Variants in NEDD4L observed in about 807,000 individuals in gnomAD.
The protein encoded by NEDD4L is E3 ubiquitin-protein ligase NEDD4-like.
NEDD4L carries 54 observed loss-of-function variants against 148.9 expected under a neutral mutation model. The ratio of observed to expected loss-of-function variants is 0.36; its 90% CI spans 0.29 to 0.45. The LOEUF (loss-of-function observed/expected upper bound fraction) is 0.45, where lower values mean the gene tolerates loss of function less well. Ranked by LOEUF, NEDD4L falls within the 20% of genes least tolerant of loss-of-function variation. The probability of loss-of-function intolerance (pLI) is 1.00; values close to 1 mark genes in which losing one functional copy is unlikely to be tolerated. For synonymous variants in NEDD4L, 433 were observed against 440.7 expected, an observed-to-expected ratio of 0.98 and a Z score of 0.22; for missense variants, 856 against 1,233.8, an observed-to-expected ratio of 0.69 and a Z score of 4.59.
intron 6 of NEDD4L, among the ~76,000 whole-genome samples, chr18:58,317,505 T>C (rs9945608): frequency 0.051 from 7,718 of 152,278 alleles, 609 homozygotes; most frequent in African/African-American, 0.17. Flanking sequence ...AATTATTTTC[T>C]GAGAGGCAAA....
chr18:58,349,176 C>T (rs2043542034), intron 16 of NEDD4L, among the ~76,000 whole-genome samples: 1 of 152,128 alleles, frequency 6.6e-6, no homozygotes, highest in South Asian at 2.1e-4. Flanking sequence ...ATTTCGAAAC[C>T]GTTGTCCCCA....
intron 2 of NEDD4L, among the ~76,000 whole-genome samples, chr18:58,168,529 T>C (rs573935618): frequency 6.6e-6 from 1 of 152,306 alleles, no homozygotes; most frequent in Non-Finnish European, 1.5e-5. Context: ...AGCTCTGTCG[T>C]GTTTTAAGGT....
chr18:58,236,597 C>T (rs779617958), intron 2 of NEDD4L, among the ~76,000 whole-genome samples: 32 of 152,294 alleles, frequency 2.1e-4, no homozygotes, highest in African/African-American at 7.5e-4. Flanking sequence ...TCTTCCTTGC[C>T]AAGGTTGTTG....
At chr18:58,320,337 A>G (rs1234977472) in intron 6 of NEDD4L, among the ~76,000 whole-genome samples, 17 of 152,210 alleles carry the variant, frequency 1.1e-4, no homozygotes, top group Non-Finnish European at 1.5e-5. Context: ...TTTCCAAGTC[A>G]GAGTCCGTCT....
rs1181165126 is a variant in NEDD4L, at chr18:58,127,836, G to A, written c.49-37952G>A. Among the ~76,000 whole-genome samples, 6 of 48,654 alleles carry A rather than the reference G, an allele frequency of 1.2e-4. No homozygotes were observed. In the East Asian group the frequency reaches 2.1e-3, roughly 17 times the overall value. 31.9% of individuals were successfully genotyped at this position (48,654 alleles called of 152,430 possible). A position where few individuals can be genotyped will look rare whatever the true frequency, so the allele number is the denominator to read the frequency against. The stretch of plus-strand genomic sequence containing the variant: ...AGCCTGGGCCACAGAGTGAGACTCC[G>A]TCTCAAAAAAAAAAAAAAAAAAAGA... On this transcript the variant is annotated intron_variant, in intron 1 of 30. Coordinates refer to ENST00000400345, the MANE Select transcript of NEDD4L (RefSeq NM_001144967.3).
At chr18:58,282,504 A>G (rs970034882) in intron 5 of NEDD4L, among the ~76,000 whole-genome samples, 6 of 152,262 alleles carry the variant, frequency 3.9e-5, no homozygotes, top group Non-Finnish European at 5.9e-5. Context: ...GGATCAATCC[A>G]GTTGATCTAA....
At chr18:58,252,118 G>A (rs1372268963) in intron 5 of NEDD4L, 64 bp downstream of exon 5, 18 of 1,050,878 alleles carry the variant, frequency 1.7e-5, no homozygotes, top group African/African-American at 1.2e-4. Flanking sequence ...TCAGAGCAGC[G>A]TCTTTAAAAC....
chr18:58,267,302 C>T (rs1568521449), intron 5 of NEDD4L, among the ~76,000 whole-genome samples: 1 of 151,984 alleles, frequency 6.6e-6, no homozygotes, highest in Non-Finnish European at 1.5e-5. Flanking sequence ...GAAAATTGTT[C>T]ATATTTCATA....
At chr18:58,060,820 G>A (rs13381917) in intron 1 of NEDD4L, among the ~76,000 whole-genome samples, 3,166 of 152,078 alleles carry the variant, frequency 0.021, 99 homozygotes, top group African/African-American at 0.073. Context: ...GTGCAATGGC[G>A]TGATCTCAGC....
intron 5 of NEDD4L, among the ~76,000 whole-genome samples, chr18:58,263,677 T>TC (rs1555775944): frequency 3.0e-4 from 43 of 145,114 alleles, no homozygotes; most frequent in Middle Eastern, 6.9e-3. Flanking sequence ...TTTTTTTTTT[T>TC]TCTCTCTCTC....
intron 5 of NEDD4L, among the ~76,000 whole-genome samples, chr18:58,313,990 A>G (rs1004037558): frequency 7.9e-5 from 12 of 152,256 alleles, no homozygotes; most frequent in Admixed American, 1.3e-4. Context: ...ATTAGCAGCC[A>G]TAGCAGGAGG....
At chr18:58,371,106 G>A (rs998859480) in intron 23 of NEDD4L, among the ~76,000 whole-genome samples, 7 of 113,618 alleles carry the variant, frequency 6.2e-5, no homozygotes, top group South Asian at 2.9e-4. Context: ...GCAGTGGCGC[G>A]ATCTTGGCTC....
At chr18:58,142,043 T>TC (rs1440362547) in intron 1 of NEDD4L, among the ~76,000 whole-genome samples, 13 of 114,292 alleles carry the variant, frequency 1.1e-4, no homozygotes, top group African/African-American at 4.5e-4. Flanking sequence ...TTTCTTTCTT[T>TC]TTTTTTTTTT....
intron 2 of NEDD4L, among the ~76,000 whole-genome samples, chr18:58,228,652 C>T (rs1410360379): frequency 1.3e-5 from 2 of 152,296 alleles, no homozygotes; most frequent in African/African-American, 2.4e-5. Flanking sequence ...TTGGGATGGC[C>T]GGAGGGGGCC....
At chr18:58,117,296 A>G (rs1598903663) in intron 1 of NEDD4L, among the ~76,000 whole-genome samples, 1 of 152,210 alleles carries the variant, frequency 6.6e-6, no homozygotes, top group African/African-American at 2.4e-5. Context: ...ACCATCCAGA[A>G]TAATTTATGT....
chr18:58,217,113 A>G (rs2043223916), intron 2 of NEDD4L, among the ~76,000 whole-genome samples: 1 of 152,232 alleles, frequency 6.6e-6, no homozygotes, highest in Admixed American at 6.5e-5. Flanking sequence ...ATGTTTTGTT[A>G]TAGTGAGTTG....
chr18:58,342,860 G>A, intron 15 of NEDD4L, 46 bp from the exon 16 acceptor site: 1 of 1,441,084 alleles, frequency 6.9e-7, no homozygotes, highest in South Asian at 1.6e-5. Flanking sequence ...TGGCACATTG[G>A]AATCGCACAT....
chr18:58,111,892 A>G (rs1378340102), intron 1 of NEDD4L, among the ~76,000 whole-genome samples: 1 of 152,146 alleles, frequency 6.6e-6, no homozygotes, highest in Non-Finnish European at 1.5e-5. Flanking sequence ...TCACCATTTG[A>G]CATTCCCCCC....
At chr18:58,314,644 G>C (rs1221188753) in intron 5 of NEDD4L, 1 of 152,190 alleles carries the variant, frequency 6.6e-6, no homozygotes, top group Non-Finnish European at 1.5e-5. Context: ...GCTAGATGAG[G>C]CGTCTCCACG....
Sources: gnomAD v4.1 joint callset for allele counts (sites outside exome capture counted in the v4.1 genomes callset) on GRCh38, gnomAD v4.1.1 for gene constraint, MANE v1.5 for transcripts, NCBI Gene and HGNC (gene_info 2026-07-23, HGNC 2026-07-21) for gene names.